PXN: variants seen among roughly 807,000 people sequenced by gnomAD.
PXN encodes testicular tissue protein Li 134.
A neutral mutation model predicts 103.6 loss-of-function variants in PXN; 61 were observed. The observed-to-expected ratio is 0.59, with a 90% CI of 0.48 to 0.73. PXN has a LOEUF of 0.73. PXN is among the 30% of genes least tolerant of loss of function. The pLI, the probability that PXN is intolerant of heterozygous loss-of-function variation, is 0.00. For synonymous variants in PXN, 562 were observed against 607.8 expected (o/e 0.92, Z 1.11); for missense variants, 1,274 against 1,460.3 (o/e 0.87, Z 2.08).
chr12:120,221,842 A>G lies in PXN; in HGVS notation c.696-84T>C, dbSNP rs1885259587. On this transcript the variant is annotated intron_variant, in intron 5 of 14. Transcript: ENST00000637617. The surrounding 1 kb of genome is among the most constrained non-coding windows in gnomAD (Gnocchi z 6.6). ...ATCAGATCGACCTCTCACCTCGGACACTGGGGTCTCACCATCCCCAACCCC... is the reference window on the plus strand; with the variant it reads ...ATCAGATCGACCTCTCACCTCGGACGCTGGGGTCTCACCATCCCCAACCCC... The G allele has an allele frequency of 6.8e-7, 1 of 1,471,448 alleles. No individual in the cohort carries two copies. The highest frequency in any genetic ancestry group is 2.1e-5 in the Admixed American group (1 of 47,426). The allele number at this position is 1,471,448 out of a possible 1,614,324, so 91.1% of individuals were successfully genotyped here.
chr12:120,223,976 G>T, intron 2 of PXN, 143 bp from the exon 3 acceptor site: 1 of 846,366 alleles, frequency 1.2e-6, no homozygotes, highest in Non-Finnish European at 1.8e-6. Context: ...GGAAACCTGT[G>T]ATTAACCACT....
Position 120,265,730 on chromosome 12 carries a change from C to T in PXN, c.-101G>A. On this transcript the variant is annotated 5_prime_UTR_variant, in exon 1 of 15. Transcript: ENST00000637617. The surrounding 1 kb of genome is among the most constrained non-coding windows in gnomAD (Gnocchi z 5.7). ...TTCCGCCGCGAGCCTCGGCCCGGAA[C>T]GGAACGCGCCGCCGCCGCGCGCGCC... is the stretch of plus-strand genomic sequence containing the variant. 9.4e-7 allele frequency: 1 copy of T among 1,059,050 alleles called. No individual in the cohort carries two copies. Among genetic ancestry groups the T allele is most frequent in the African/African-American group, 1.7e-5 (1 of 59,048 alleles). The allele number at this position is 1,059,050 out of a possible 1,614,324, so 65.6% of individuals were successfully genotyped here.
In PXN at chr12:120,222,691, CTGGGACACCA is replaced by C; in HGVS notation, c.543_552del (p.Tyr181Ter). On this transcript the variant is annotated frameshift_variant, in exon 5 of 15. Transcript: ENST00000637617. LOFTEE classifies it high-confidence loss of function. The surrounding 1 kb of genome is among the most constrained non-coding windows in gnomAD (Gnocchi z 4.7). ...TTGCCTCCCAAGGGGCTGTTAGTCT[CTGGGACACCA>C]TAGAGGGGGCTCAGGGCCCCAGGAA... 1.2e-6 allele frequency: 2 copies of C among 1,609,846 alleles called. No homozygotes were observed. The highest frequency in any genetic ancestry group is 1.7e-6 in the Non-Finnish European group (2 of 1,178,234).
chr12:120,233,015 C>T (rs1055037834), intron 1 of PXN, among the ~76,000 whole-genome samples: 4 of 152,128 alleles, frequency 2.6e-5, no homozygotes, highest in African/African-American at 4.8e-5. Flanking sequence ...TCTTCCTTCG[C>T]GGGGCCTCTC....
rs568848534 is a variant in PXN at position 120,212,557 on chromosome 12, G to A, written c.3003C>T (p.Asn1001=). Residue 1001 remains asparagine, a synonymous_variant, in exon 15 of 15, where the codon AAC becomes AAT. Transcript: ENST00000637617. This position sits in a 1 kb window ranked among gnomAD's most constrained non-coding sequence, Gnocchi z 7.2. Reference sequence around the variant, plus strand: ...GCCCGTCGTGCTCGAAGAAGCTGCCGTTCACGAATGGCGTGAAGCATTCCT... The same window carrying A: ...GCCCGTCGTGCTCGAAGAAGCTGCCATTCACGAATGGCGTGAAGCATTCCT... ...VCRECFTPFV[N]GSFFEHDGQP... The A allele has an allele frequency of 5.6e-5, 90 of 1,613,194 alleles. No homozygotes were observed. In the Admixed American group the frequency reaches 6.0e-4, roughly 11 times the overall value.
Position 120,221,814 on chromosome 12 carries a change from G to C in PXN, c.696-56C>G. The C allele has an allele frequency of 6.6e-7, 1 of 1,506,148 alleles. No individual in the cohort carries two copies. Among genetic ancestry groups the C allele is most frequent in the Non-Finnish European group, 8.9e-7 (1 of 1,124,146 alleles). The allele number at this position is 1,506,148 out of a possible 1,614,324, so 93.3% of individuals were successfully genotyped here. ...CCCACAGTCAGCCCCACACTTCCCGGGGATCAGATCGACCTCTCACCTCGG... is the reference window on the plus strand; with the variant it reads ...CCCACAGTCAGCCCCACACTTCCCGCGGATCAGATCGACCTCTCACCTCGG... On this transcript the variant is annotated intron_variant, in intron 5 of 14. Transcript: ENST00000637617. The surrounding 1 kb of genome is among the most constrained non-coding windows in gnomAD (Gnocchi z 6.6).
At chr12:120,218,142 T>G (rs1883890024) in intron 7 of PXN, among the ~76,000 whole-genome samples, 1 of 150,958 alleles carries the variant, frequency 6.6e-6, no homozygotes, top group South Asian at 2.1e-4. Flanking sequence ...ACTCCTGGGC[T>G]AAAGCCATCC....
chr12:120,258,261 A>G (rs1465644819), intron 1 of PXN, among the ~76,000 whole-genome samples: 10 of 152,034 alleles, frequency 6.6e-5, no homozygotes, highest in Admixed American at 6.6e-4. Flanking sequence ...CTCCAACCAG[A>G]GTTCGGCATC....
Position 120,215,987 on chromosome 12 carries a change from A to C in PXN, c.2301+286T>G. ...GACAGGTTTCTGGTCTCCCTTCTGG[A>C]GTGGCTTCTTTCCTCGATGGGAGCC... On this transcript the variant is annotated intron_variant, in intron 9 of 14. Coordinates refer to ENST00000637617, the MANE Select transcript of PXN (RefSeq NM_001385981.1). The surrounding 1 kb of genome is among the most constrained non-coding windows in gnomAD (Gnocchi z 4.9). The C allele has an allele frequency of 7.3e-7, 1 of 1,370,932 alleles. No individual in the cohort carries two copies. The highest frequency in any genetic ancestry group is 9.4e-7 in the Non-Finnish European group (1 of 1,062,446). The allele number at this position is 1,370,932 out of a possible 1,614,324, so 84.9% of individuals were successfully genotyped here.
intron 1 of PXN, among the ~76,000 whole-genome samples, chr12:120,264,611 G>A (rs920030766): frequency 6.6e-6 from 1 of 152,192 alleles, no homozygotes; most frequent in Admixed American, 6.5e-5. Context: ...AGTAGCCTTG[G>A]GGCTCCAATA....
chr12:120,213,981 T>C lies in PXN; in HGVS notation c.2840A>G (p.Glu947Gly). Residue 947 changes from glutamate to glycine, a missense_variant, in exon 14 of 15, where the codon GAG becomes GGG. By Grantham distance (98) the Glu-to-Gly change is moderately conservative (BLOSUM62 -2). Transcript: ENST00000637617. The surrounding 1 kb of genome is among the most constrained non-coding windows in gnomAD (Gnocchi z 4.2). Reference protein sequence around the residue: ...GAFFGPEGFHEKDGKAYCRKD... With the variant: ...GAFFGPEGFHGKDGKAYCRKD... ...GCGACAGTAGGCCTTGCCGTCCTTC[T>C]CGTGGAACCCTGGGGAGCGGGGGTT... 6.2e-7 allele frequency: 1 copy of C among 1,612,230 alleles called. No homozygotes were observed. The highest frequency in any genetic ancestry group is 2.2e-5 in the East Asian group (1 of 44,874).
In PXN at chr12:120,212,421, C is replaced by T. The variant is rs777456558; in HGVS notation, c.3139G>A (p.Glu1047Lys). The T allele has an allele frequency of 1.9e-5, 30 of 1,613,782 alleles. No individual in the cohort carries two copies. Among genetic ancestry groups the T allele is most frequent in the African/African-American group, 4.0e-5 (3 of 74,876 alleles). The change falls in exon 15 of 15, where the codon GAG becomes AAG. Residue 1047 changes from glutamate (E) to lysine (K), a missense_variant. By Grantham distance (56) the Glu-to-Lys change is moderately conservative. This residue lies in a region of PXN where 96 missense variants were observed against 151.3 expected (regional missense o/e 0.63). Transcript: ENST00000637617. The surrounding 1 kb of genome is among the most constrained non-coding windows in gnomAD (Gnocchi z 7.2). ...AGGCAGAAGGCACAGACGAAGTGCT[C>T]GGGGTGGAACTTCTTGGCCATGGCG... ...ITAMAKKFHP[E>K]HFVCAFCLKQ...
intron 7 of PXN, among the ~76,000 whole-genome samples, chr12:120,218,275 C>G (rs1027875106): frequency 4.0e-5 from 6 of 151,858 alleles, no homozygotes; most frequent in Admixed American, 2.0e-4. Context: ...AACTCCTGGG[C>G]TCAAGCGATC....
At chr12:120,239,943 T>C (rs1053651780) in intron 1 of PXN, among the ~76,000 whole-genome samples, 5 of 150,798 alleles carry the variant, frequency 3.3e-5, no homozygotes, top group South Asian at 4.2e-4. Context: ...TTTTTTTTTT[T>C]GGCCCACTTC....
intron 1 of PXN, among the ~76,000 whole-genome samples, chr12:120,243,817 T>A (rs778180903): frequency 5.3e-5 from 8 of 152,114 alleles, no homozygotes. Flanking sequence ...TGTGCACTTC[T>A]CCTATGAGAA....
intron 1 of PXN, among the ~76,000 whole-genome samples, chr12:120,234,235 C>G (rs771976914): frequency 2.6e-5 from 4 of 151,936 alleles, no homozygotes; most frequent in African/African-American, 4.8e-5. Flanking sequence ...GAAACCTCAT[C>G]TCTACTCTAC....
At chr12:120,226,198 A>G (rs983658219) in intron 1 of PXN, 3 of 1,231,876 alleles carry the variant, frequency 2.4e-6, no homozygotes, top group African/African-American at 3.1e-5. Flanking sequence ...TCTGGGCCCA[A>G]TCAGCAATGG....
At position 120,212,789 on chromosome 12, in the gene PXN, T is replaced by C; in HGVS notation, c.2980-209A>G. ...TGTAGAGATGGGGGTCTCACTATAT[T>C]GCCCATGCTGGTCAAATGTGGCCTC... On this transcript the variant is annotated intron_variant, in intron 14 of 14. Transcript: ENST00000637617. The surrounding 1 kb of genome is among the most constrained non-coding windows in gnomAD (Gnocchi z 7.2). 1 of 502,396 alleles carries C rather than the reference T, an allele frequency of 2.0e-6. No individual in the cohort carries two copies. Among genetic ancestry groups the C allele is most frequent in the Non-Finnish European group, 3.4e-6 (1 of 294,460 alleles). 31.1% of individuals were successfully genotyped at this position (502,396 alleles called of 1,614,324 possible). A position where few individuals can be genotyped will look rare whatever the true frequency, so the allele number is the denominator to read the frequency against.
rs1386299486 is a variant in PXN, at chr12:120,217,640, C to T, written c.1717-524G>A. Among the ~76,000 whole-genome samples the T allele has an allele frequency of 6.6e-6, 1 of 151,822 alleles. No individual in the cohort carries two copies. The highest frequency in any genetic ancestry group is 1.9e-4 in the East Asian group (1 of 5,176). On this transcript the variant is annotated intron_variant, in intron 7 of 14. Coordinates refer to ENST00000637617, the MANE Select transcript of PXN (RefSeq NM_001385981.1). This position sits in a 1 kb window ranked among gnomAD's most constrained non-coding sequence, Gnocchi z 4.1. The stretch of plus-strand genomic sequence containing the variant: ...TGTCGCCCAGGCTGGAATGCAGTGG[C>T]GCGATCTGGTCTCACTGCAACCTCC...
Sources: gnomAD v4.1 joint callset for allele counts (sites outside exome capture counted in the v4.1 genomes callset) on GRCh38, gnomAD v4.1.1 for gene constraint, gnomAD v4.1.1 regional missense constraint, Gnocchi (gnomAD v3.1) non-coding constraint, MANE v1.5 for transcripts, NCBI Gene and HGNC (gene_info 2026-07-23, HGNC 2026-07-21) for gene names.